RCBTB1: variants seen among roughly 807,000 people sequenced by gnomAD.
RCBTB1 encodes RCC1 and BTB domain containing protein 1, also known as RCC1 and BTB domain-containing protein 1.
RCBTB1 carries 46 observed loss-of-function variants against 62.4 expected under a neutral mutation model. The observed-to-expected ratio is 0.74, with a 90% CI of 0.58 to 0.94. The LOEUF (loss-of-function observed/expected upper bound fraction) is 0.94. Ranked by LOEUF, RCBTB1 falls within the 40% of genes least tolerant of loss-of-function variation. The probability of loss-of-function intolerance (pLI) is 0.00; values close to 1 mark genes in which losing one functional copy is unlikely to be tolerated. For synonymous variants in RCBTB1, 222 were observed against 245.8 expected, an observed-to-expected ratio of 0.90 and a Z score of 0.91; for missense variants, 565 against 654.9, an observed-to-expected ratio of 0.86 and a Z score of 1.50.
At chr13:49,580,932 G>A (rs1052148541) in intron 1 of RCBTB1, among the ~76,000 whole-genome samples, 2 of 152,222 alleles carry the variant, frequency 1.3e-5, no homozygotes, top group African/African-American at 2.4e-5. Context: ...TCACAACAGT[G>A]TGGCTGGTCA....
At chr13:49,562,114 A>G (rs1055960359) in intron 4 of RCBTB1, among the ~76,000 whole-genome samples, 1 of 151,600 alleles carries the variant, frequency 6.6e-6, no homozygotes, top group Admixed American at 6.6e-5. Context: ...AAAAAAAAAA[A>G]GGTTAATTTT....
chr13:49,552,086 AGACT>A, intron 7 of RCBTB1, 88 bp downstream of exon 7: 1 of 806,402 alleles, frequency 1.2e-6, no homozygotes, highest in Non-Finnish European at 2.1e-6. Context: ...TTGCCAGAAA[AGACT>A]GACTGAAGAG....
intron 8 of RCBTB1, 172 bp downstream of exon 8, chr13:49,551,154 C>G (rs1594279799): frequency 3.7e-6 from 2 of 539,630 alleles, no homozygotes; most frequent in Non-Finnish European, 5.8e-6. Context: ...AAGGGGGAAG[C>G]AGGGAGGGAG....
rs1190061945 is a variant in RCBTB1, at chr13:49,551,419, A to G, written c.761T>C (p.Leu254Pro). The G allele has an allele frequency of 6.2e-7, 1 of 1,614,154 alleles. No individual in the cohort carries two copies. The highest frequency in any genetic ancestry group is 8.5e-7 in the Non-Finnish European group (1 of 1,180,062). ...ATATGTGTTAGCTCCCCAGGCATAC[A>G]GCAAGCCCTCATCTGTTAGTGCTAG... ...HTLALTDEGL[L>P]YAWGANTYGQ... is the part of the protein sequence containing the mutation. Residue 254 changes from leucine to proline, a missense_variant, in exon 8 of 13, where the codon CTG (leucine) becomes CCG (proline). Transcript: ENST00000378302.
rs1961421540 is a variant in RCBTB1, at chr13:49,552,189, A to G, written c.700T>C (p.Cys234Arg). ...TGCACCACACGTACCTGGTTCACAC[A>G]CACGCTGTGCAAAGCTGCCACTCTC... ...PVRVAALHSV[C>R]VNQIVCGYAH... The change falls in exon 7 of 13, where the codon TGT becomes CGT. Residue 234 changes from cysteine (C) to arginine (R), a missense_variant. Transcript: ENST00000378302. 1.9e-6 allele frequency: 3 copies of G among 1,579,928 alleles called. No individual in the cohort carries two copies. Among genetic ancestry groups the G allele is most frequent in the Admixed American group, 1.8e-5 (1 of 54,838 alleles).
At chr13:49,557,052 G>T (rs1037141987) in intron 5 of RCBTB1, among the ~76,000 whole-genome samples, 2 of 152,148 alleles carry the variant, frequency 1.3e-5, no homozygotes, top group Non-Finnish European at 2.9e-5. Flanking sequence ...TGTGTGCTAT[G>T]CCTGGCTCCA....
chr13:49,545,411 C>T (rs1282957940), intron 9 of RCBTB1, among the ~76,000 whole-genome samples: 2 of 152,172 alleles, frequency 1.3e-5, no homozygotes, highest in Non-Finnish European at 2.9e-5. Flanking sequence ...CTAAAAATCA[C>T]TATATGCATA....
At chr13:49,538,309 T>C (rs1960081575) in intron 12 of RCBTB1, among the ~76,000 whole-genome samples, 1 of 152,224 alleles carries the variant, frequency 6.6e-6, no homozygotes, top group Non-Finnish European at 1.5e-5. Context: ...TTTAATTTTG[T>C]ACTCCAGAAC....
At chr13:49,547,421 A>G (rs1211156148) in intron 9 of RCBTB1, among the ~76,000 whole-genome samples, 2 of 152,222 alleles carry the variant, frequency 1.3e-5, no homozygotes, top group African/African-American at 2.4e-5. Context: ...CAAGAACTAC[A>G]TTAATTTTCA....
chr13:49,546,837 C>A, intron 9 of RCBTB1: 1 of 480,378 alleles, frequency 2.1e-6, no homozygotes, highest in Non-Finnish European at 2.7e-6. Flanking sequence ...TGCCACTCAC[C>A]TCCTGCCGTG....
intron 9 of RCBTB1, chr13:49,546,052 A>C (rs944409800): frequency 5.9e-5 from 58 of 983,076 alleles, no homozygotes; most frequent in Non-Finnish European, 6.6e-5. Flanking sequence ...GCTTCCCCTG[A>C]CCTTGCAACC....
At chr13:49,551,648 C>A (rs1199121606) in intron 7 of RCBTB1, among the ~76,000 whole-genome samples, 180 bp from the exon 8 acceptor site, 1 of 152,174 alleles carries the variant, frequency 6.6e-6, no homozygotes, top group Admixed American at 6.5e-5. Context: ...TGCCTGTAAT[C>A]CCAGCGCTTT....
At chr13:49,536,552 A>G (rs1470536834) in intron 12 of RCBTB1, among the ~76,000 whole-genome samples, 1 of 152,204 alleles carries the variant, frequency 6.6e-6, no homozygotes, top group African/African-American at 2.4e-5. Context: ...GAAGTCAACT[A>G]TAACAGGGCT....
At position 49,532,181 on chromosome 13, in the gene RCBTB1, A is replaced by C. The variant is rs1299255828; in HGVS notation, c.*1941T>G. 7.6e-6 allele frequency: 1 copy of C among 131,766 alleles called. No individual in the cohort carries two copies. The highest frequency in any genetic ancestry group is 1.7e-5 in the Non-Finnish European group (1 of 58,594). 8.2% of individuals were successfully genotyped at this position (131,766 alleles called of 1,614,324 possible). ...AAAAAAACAAGTAGAAAAATAAGAG[A>C]GTGTATTTAAAAAAAATAATCAAAT... On this transcript the variant is annotated 3_prime_UTR_variant, in exon 13 of 13. Coordinates refer to ENST00000378302, the MANE Select transcript of RCBTB1 (RefSeq NM_018191.4).
chr13:49,582,332 C>T (rs574978453), intron 1 of RCBTB1, among the ~76,000 whole-genome samples: 16 of 152,222 alleles, frequency 1.1e-4, no homozygotes, highest in Admixed American at 8.5e-4. Flanking sequence ...ATTAAAAATA[C>T]AAAAATTAGC....
chr13:49,575,102 A>G (rs138021762), intron 2 of RCBTB1, among the ~76,000 whole-genome samples: 2 of 152,160 alleles, frequency 1.3e-5, no homozygotes, highest in Non-Finnish European at 2.9e-5. Context: ...ATGGGTACAG[A>G]GTTTCACTTT....
Position 49,534,046 on chromosome 13 carries a change from C to T in RCBTB1, c.*76G>A. Reference sequence around the variant, plus strand: ...TGGTCTTTTACCTGCAGAATCACATCACCCGTAGAGCACAAACTGGACACA... The same window carrying T: ...TGGTCTTTTACCTGCAGAATCACATTACCCGTAGAGCACAAACTGGACACA... On this transcript the variant is annotated 3_prime_UTR_variant, in exon 13 of 13. Transcript: ENST00000378302. The T allele has an allele frequency of 6.8e-7, 1 of 1,460,526 alleles. No homozygotes were observed. The highest frequency in any genetic ancestry group is 9.3e-7 in the Non-Finnish European group (1 of 1,079,936). The allele number at this position is 1,460,526 out of a possible 1,614,324, so 90.5% of individuals were successfully genotyped here.
intron 4 of RCBTB1, among the ~76,000 whole-genome samples, chr13:49,564,583 C>CAAAA (rs10710755): frequency 1.8e-4 from 7 of 39,320 alleles, no homozygotes; most frequent in African/African-American, 6.3e-4. Flanking sequence ...GACTCCTTCT[C>CAAAA]AAAAAAAAAA....
Position 49,555,532 on chromosome 13 carries a change from C to G in RCBTB1, c.586G>C (p.Val196Leu). ...CACCTCACCTCGCCATTGTCCAGAA[C>G]AGCCATGGATGAAGTCTGACCACAG... ...IACGQTSSMA[V>L]LDNGEVYGWG... Residue 196 changes from valine (V) to leucine (L), a missense_variant, in exon 6 of 13, where the codon GTT becomes CTT. Val to Leu is a conservative substitution (Grantham distance 32, BLOSUM62 1). Coordinates refer to ENST00000378302, the MANE Select transcript of RCBTB1 (RefSeq NM_018191.4). 2 of 1,613,872 alleles carry G rather than the reference C, an allele frequency of 1.2e-6. No individual in the cohort carries two copies. Among genetic ancestry groups the G allele is most frequent in the Non-Finnish European group, 1.7e-6 (2 of 1,179,758 alleles).
Sources: gnomAD v4.1 joint callset for allele counts (sites outside exome capture counted in the v4.1 genomes callset) on GRCh38, gnomAD v4.1.1 for gene constraint, MANE v1.5 for transcripts, NCBI Gene and HGNC (gene_info 2026-07-23, HGNC 2026-07-21) for gene names.